Variants in LZIC observed in about 807,000 individuals in gnomAD.
LZIC encodes leucine zipper and CTNNBIP1 domain containing.
A neutral mutation model predicts 25.4 loss-of-function variants in LZIC; 28 were observed. That is an observed-to-expected ratio of 1.10 (90% CI 0.82 to 1.51). LZIC has a LOEUF of 1.51. Ranked by LOEUF, LZIC falls within the 40% of genes most tolerant of loss-of-function variation. LZIC has a pLI of 0.00. For synonymous variants in LZIC, 65 were observed against 70.7 expected (o/e 0.92, Z 0.40); for missense variants, 170 against 211.1 (o/e 0.81, Z 1.21).
chr1:9,936,826 T>C (rs771856019), intron 2 of LZIC, among the ~76,000 whole-genome samples, 199 bp from the exon 3 acceptor site: 35 of 152,346 alleles, frequency 2.3e-4, no homozygotes, highest in Middle Eastern at 3.4e-3. Context: ...CAGTCCCTAG[T>C]GCAATTAAAA....
downstream of LZIC, among the ~76,000 whole-genome samples, chr1:9,924,673 T>G (rs1639937107): frequency 6.6e-6 from 1 of 152,166 alleles, no homozygotes; most frequent in South Asian, 2.1e-4. Flanking sequence ...TGTTTTTTTG[T>G]AGAGATGGCA....
At chr1:9,935,419 A>C in intron 4 of LZIC, 73 bp downstream of exon 4, 10 of 1,473,736 alleles carry the variant, frequency 6.8e-6, no homozygotes, top group Non-Finnish European at 3.6e-6. Flanking sequence ...CAGAGTAAGA[A>C]TGCATCTCAA....
chr1:9,928,366 T>C lies in LZIC; in HGVS notation c.*2033A>G, dbSNP rs76466321. ...ACAACAAACGCAGCAATTCCATTCCTAGGTGTACACCCAAAAAAATTGAAA... is the reference window on the plus strand; with the variant it reads ...ACAACAAACGCAGCAATTCCATTCCCAGGTGTACACCCAAAAAAATTGAAA... On this transcript the variant is annotated 3_prime_UTR_variant, in exon 8 of 8. Coordinates refer to ENST00000377223, the MANE Select transcript of LZIC (RefSeq NM_032368.5). Among the ~76,000 whole-genome samples, 2,669 of 152,206 alleles carry C rather than the reference T, an allele frequency of 0.018. 33 individuals are homozygous for C. The highest frequency in any genetic ancestry group is 0.027 in the Non-Finnish European group (1,830 of 68,012).
In LZIC at chr1:9,929,633, AG is replaced by A; in HGVS notation, c.*765del. On this transcript the variant is annotated 3_prime_UTR_variant, in exon 8 of 8. Transcript: ENST00000377223. Reference sequence around the variant, plus strand: ...TAAGTCACTTTAGGAAACGCTCAACAGGGCTCCCATTGTTCCAACCTCAAAA... The same window carrying A: ...TAAGTCACTTTAGGAAACGCTCAACAGGCTCCCATTGTTCCAACCTCAAAA... 1 of 985,398 alleles carries A rather than the reference AG, an allele frequency of 1.0e-6. No homozygotes were observed. The highest frequency in any genetic ancestry group is 1.2e-6 in the Non-Finnish European group (1 of 829,928). 61.0% of individuals were successfully genotyped at this position (985,398 alleles called of 1,614,324 possible).
chr1:9,932,685 G>A (rs1161003836), intron 6 of LZIC, 118 bp downstream of exon 6: 658 of 282,498 alleles, frequency 2.3e-3, no homozygotes, highest in African/African-American at 9.6e-3. Flanking sequence ...CTCCGTCTCA[G>A]AAAAAAAAAA....
intron 7 of LZIC, among the ~76,000 whole-genome samples, chr1:9,930,939 G>C (rs572546140): frequency 2.0e-5 from 3 of 151,716 alleles, no homozygotes; most frequent in African/African-American, 7.3e-5. Context: ...GGCTGGTCTC[G>C]AACTCCTGAC....
At chr1:9,924,377 C>T (rs564452686), downstream of LZIC, among the ~76,000 whole-genome samples, 9 of 152,008 alleles carry the variant, frequency 5.9e-5, no homozygotes, top group Middle Eastern at 3.4e-3. Flanking sequence ...TTTTTTGAGA[C>T]GGAGTCTTGC....
intron 5 of LZIC, among the ~76,000 whole-genome samples, chr1:9,934,129 T>C (rs1640354277): frequency 6.6e-6 from 1 of 151,156 alleles, no homozygotes; most frequent in African/African-American, 2.4e-5. Context: ...CTCAGGAGGC[T>C]GAGGCAAGAG....
intron 2 of LZIC, among the ~76,000 whole-genome samples, chr1:9,941,894 T>G (rs774019517): frequency 2.0e-5 from 3 of 152,048 alleles, no homozygotes; most frequent in South Asian, 2.1e-4. Context: ...ATTGATTGCT[T>G]CTTCTTTAGC....
chr1:9,938,052 AAT>A (rs753162779), intron 2 of LZIC, among the ~76,000 whole-genome samples: 23 of 151,246 alleles, frequency 1.5e-4, no homozygotes, highest in African/African-American at 3.1e-4. Flanking sequence ...GGTAAATGGA[AAT>A]ATATATATAT....
chr1:9,923,809 A>G (rs189207076), downstream of LZIC, among the ~76,000 whole-genome samples: 412 of 151,512 alleles, frequency 2.7e-3, 6 homozygotes, highest in African/African-American at 9.6e-3. Flanking sequence ...CTGGAGTGTA[A>G]TGGCACAATC....
chr1:9,939,937 G>A (rs1640633840), intron 2 of LZIC, among the ~76,000 whole-genome samples: 1 of 151,996 alleles, frequency 6.6e-6, no homozygotes, highest in Non-Finnish European at 1.5e-5. Flanking sequence ...TGGCCGACAC[G>A]GCGAAACCCC....
intron 6 of LZIC, 112 bp downstream of exon 6, chr1:9,932,685 GAAAAAA>G: frequency 1.3e-4 from 36 of 281,166 alleles, no homozygotes; most frequent in Middle Eastern, 9.9e-4. Flanking sequence ...CTCCGTCTCA[GAAAAAA>G]AAAAAAAAAA....
intron 2 of LZIC, among the ~76,000 whole-genome samples, chr1:9,938,463 T>A (rs936178174): frequency 6.6e-6 from 1 of 152,188 alleles, no homozygotes; most frequent in African/African-American, 2.4e-5. Flanking sequence ...GCCCAGCTGA[T>A]GAACATCTTT....
At chr1:9,933,997 C>A (rs897847708) in intron 5 of LZIC, among the ~76,000 whole-genome samples, 1 of 151,884 alleles carries the variant, frequency 6.6e-6, no homozygotes, top group Non-Finnish European at 1.5e-5. Flanking sequence ...GAGGCTGAGG[C>A]GGGCAGATCA....
chr1:9,925,761 T>C (rs1639965240), downstream of LZIC, among the ~76,000 whole-genome samples: 1 of 151,822 alleles, frequency 6.6e-6, no homozygotes, highest in Non-Finnish European at 1.5e-5. Context: ...GGATAACTTT[T>C]GTATCTTTAG....
At chr1:9,925,453 ATTCAAC>A (rs1162302280), downstream of LZIC, among the ~76,000 whole-genome samples, 1 of 152,190 alleles carries the variant, frequency 6.6e-6, no homozygotes, top group Non-Finnish European at 1.5e-5. Flanking sequence ...TTTTAATTGT[ATTCAAC>A]TGCCTGAGGC....
At chr1:9,932,641 C>G (rs961700543) in intron 6 of LZIC, among the ~76,000 whole-genome samples, 162 bp downstream of exon 6, 3 of 146,296 alleles carry the variant, frequency 2.1e-5, no homozygotes, top group African/African-American at 7.7e-5. Context: ...TGAGATCGCA[C>G]CATTGCACTC....
chr1:9,942,472 G>C (rs1406738894), intron 2 of LZIC, among the ~76,000 whole-genome samples, 152 bp downstream of exon 2: 1 of 152,126 alleles, frequency 6.6e-6, no homozygotes. Context: ...GCCTTAACCT[G>C]GTACTACATT....
Sources: allele counts gnomAD v4.1 joint callset (sites outside exome capture counted in the v4.1 genomes callset), GRCh38; gene constraint gnomAD v4.1.1; transcripts MANE v1.5; gene names NCBI Gene and HGNC (gene_info 2026-07-23, HGNC 2026-07-21).